Variants in PDILT observed in about 807,000 individuals in gnomAD.
PDILT encodes the protein protein disulfide-isomerase-like protein of the testis.
In PDILT, 43 loss-of-function variants were observed where a neutral mutation model predicts 53.7. That is an observed-to-expected ratio of 0.80 (90% CI 0.63 to 1.03). The LOEUF is 1.03. Ranked by LOEUF, PDILT falls within the 50% of genes least tolerant of loss-of-function variation. The pLI is 0.00. For missense variants in PDILT, 727 were observed against 712.3 expected (o/e 1.02, Z -0.24); for synonymous variants, 282 against 274.2 (o/e 1.03, Z -0.28).
chr16:20,360,441 C>A, intron 11 of PDILT, 127 bp downstream of exon 11: 1 of 875,002 alleles, frequency 1.1e-6, no homozygotes, highest in Non-Finnish European at 1.9e-6. Context: ...AACCTGGATG[C>A]TTCTCCATCC....
rs1308582046 is a variant in PDILT at position 20,369,568 on chromosome 16, T to G, written c.1040A>C (p.Tyr347Ser). ...GGTTATGTCATCTGAAGGCATTTTGTACCTGGCGTCAGAGCTCAAGTTTAG... is the reference window on the plus strand; with the variant it reads ...GGTTATGTCATCTGAAGGCATTTTGGACCTGGCGTCAGAGCTCAAGTTTAG... ...QILNLSSDARYKMPSDDITYE... is the reference protein window; with the variant it reads ...QILNLSSDARSKMPSDDITYE... Residue 347 changes from tyrosine to serine, a missense_variant, in exon 8 of 12, where the codon TAC becomes TCC. Tyr to Ser is a moderately radical substitution (Grantham distance 144). Coordinates refer to ENST00000302451, the MANE Select transcript of PDILT (RefSeq NM_174924.2). 1.2e-6 allele frequency: 2 copies of G among 1,614,244 alleles called. No homozygotes were observed. The highest frequency in any genetic ancestry group is 1.7e-6 in the Non-Finnish European group (2 of 1,180,042).
chr16:20,379,106 C>A (rs1596588445), intron 3 of PDILT, among the ~76,000 whole-genome samples: 1 of 152,100 alleles, frequency 6.6e-6, no homozygotes, highest in Non-Finnish European at 1.5e-5. Context: ...CTCGATCTCC[C>A]AGGCTCAAGC....
intron 3 of PDILT, among the ~76,000 whole-genome samples, chr16:20,382,963 G>A (rs1031980056): frequency 1.3e-5 from 2 of 152,140 alleles, no homozygotes; most frequent in African/African-American, 2.4e-5. Flanking sequence ...TCTTTGAGGC[G>A]AGGGCCTTGA....
At chr16:20,365,993 G>A (rs1006063150) in intron 8 of PDILT, among the ~76,000 whole-genome samples, 3 of 151,624 alleles carry the variant, frequency 2.0e-5, no homozygotes, top group Non-Finnish European at 2.9e-5. Flanking sequence ...AGGAGGCTGA[G>A]GCAAGAGAAT....
intron 7 of PDILT, 103 bp downstream of exon 7, chr16:20,372,699 C>A: frequency 1.5e-6 from 2 of 1,370,476 alleles, no homozygotes; most frequent in East Asian, 2.4e-5. Context: ...CCAATCTTTC[C>A]TGATTCAATT....
intron 2 of PDILT, among the ~76,000 whole-genome samples, chr16:20,387,650 T>C (rs1966557592): frequency 6.6e-6 from 1 of 152,036 alleles, no homozygotes; most frequent in Non-Finnish European, 1.5e-5. Flanking sequence ...TAGACGGATC[T>C]TGTTCTGTCA....
At chr16:20,365,349 C>T in intron 9 of PDILT, 71 bp downstream of exon 9, 1 of 1,566,574 alleles carries the variant, frequency 6.4e-7, no homozygotes, top group African/African-American at 1.4e-5. Flanking sequence ...CAGTGCCCAA[C>T]AATTCAGGAG....
chr16:20,367,072 TTTCTTTCTTTCTTTCTTTCTTTC>T (rs1966219782), intron 8 of PDILT, among the ~76,000 whole-genome samples: 1 of 134,288 alleles, frequency 7.4e-6, no homozygotes, highest in Non-Finnish European at 1.6e-5. Context: ...TCTTTCTTTC[TTTCTTTCTTTCTTTCTTTCTTTC>T]TTTCTTTCTT....
intron 1 of PDILT, among the ~76,000 whole-genome samples, chr16:20,403,363 C>T (rs1454322135): frequency 1.3e-5 from 2 of 152,158 alleles, no homozygotes; most frequent in African/African-American, 2.4e-5. Context: ...GATCTTGGCT[C>T]ACTGCAGCCT....
intron 2 of PDILT, among the ~76,000 whole-genome samples, chr16:20,388,323 T>C (rs1966566088): frequency 1.3e-5 from 2 of 152,176 alleles, no homozygotes; most frequent in Non-Finnish European, 1.5e-5. Flanking sequence ...CTGTGAGTTA[T>C]CTGTGATTAC....
intron 2 of PDILT, among the ~76,000 whole-genome samples, chr16:20,398,492 G>A (rs1808139457): frequency 2.0e-5 from 3 of 152,192 alleles, no homozygotes; most frequent in African/African-American, 7.2e-5. Context: ...TTAGCTGGGT[G>A]TGGTGGCGGG....
chr16:20,366,971 CCT>C (rs1966203731), intron 8 of PDILT, among the ~76,000 whole-genome samples: 1 of 47,574 alleles, frequency 2.1e-5, no homozygotes, highest in Non-Finnish European at 7.3e-5. Flanking sequence ...TTCCTTCCTT[CCT>C]TCCTTCCTTC....
At chr16:20,364,461 A>T (rs1475161004) in intron 9 of PDILT, among the ~76,000 whole-genome samples, 1 of 151,972 alleles carries the variant, frequency 6.6e-6, no homozygotes, top group Non-Finnish European at 1.5e-5. Flanking sequence ...AAGATCATTA[A>T]CCTCTCTGAG....
chr16:20,403,605 C>T (rs757189348), intron 1 of PDILT, among the ~76,000 whole-genome samples: 3 of 152,024 alleles, frequency 2.0e-5, no homozygotes, highest in Non-Finnish European at 2.9e-5. Flanking sequence ...TTCCTTTCGA[C>T]ACAGGAATTC....
In PDILT at chr16:20,372,762, C is replaced by G. The variant is rs1966324765; in HGVS notation, c.918+40G>C. Reference sequence around the variant, plus strand: ...TCAGGGTCTGCAGGTCTTGGATCCTCATCCAGGAGTCCCAGAGAGCAATGG... The same window carrying G: ...TCAGGGTCTGCAGGTCTTGGATCCTGATCCAGGAGTCCCAGAGAGCAATGG... On this transcript the variant is annotated intron_variant, in intron 7 of 11. Coordinates refer to ENST00000302451, the MANE Select transcript of PDILT (RefSeq NM_174924.2). The G allele has an allele frequency of 3.1e-6, 5 of 1,600,266 alleles. No homozygotes were observed. In the East Asian group the frequency reaches 1.1e-4, roughly 36 times the overall value.
intron 1 of PDILT, among the ~76,000 whole-genome samples, chr16:20,404,215 C>G (rs891696043): frequency 2.0e-5 from 3 of 152,180 alleles, no homozygotes; most frequent in Non-Finnish European, 2.9e-5. Flanking sequence ...TGGTTCATTT[C>G]AGTGGTTCTC....
chr16:20,391,495 G>T (rs1466547382), intron 2 of PDILT, among the ~76,000 whole-genome samples: 1 of 152,154 alleles, frequency 6.6e-6, no homozygotes, highest in African/African-American at 2.4e-5. Flanking sequence ...ACCCTAGACA[G>T]CTCCTAATCT....
In PDILT at chr16:20,359,253, C is replaced by A; in HGVS notation, c.*66G>T. ...CAATGATATATGCTTTTATTGGAAT[C>A]AATCCATTCAGAAAATGATGCCAGG... On this transcript the variant is annotated 3_prime_UTR_variant, in exon 12 of 12. Coordinates refer to ENST00000302451, the MANE Select transcript of PDILT (RefSeq NM_174924.2). 4.5e-6 allele frequency: 7 copies of A among 1,570,750 alleles called. No homozygotes were observed. The highest frequency in any genetic ancestry group is 1.2e-5 in the South Asian group (1 of 85,270).
intron 9 of PDILT, among the ~76,000 whole-genome samples, chr16:20,363,071 CAAAA>C (rs1187383410): frequency 2.1e-5 from 2 of 93,574 alleles, no homozygotes; most frequent in Admixed American, 2.8e-4. Context: ...GACTCCATCT[CAAAA>C]AAAAAAAAAA....
Sources: allele counts gnomAD v4.1 joint callset (sites outside exome capture counted in the v4.1 genomes callset), GRCh38; gene constraint gnomAD v4.1.1; transcripts MANE v1.5; gene names NCBI Gene and HGNC (gene_info 2026-07-23, HGNC 2026-07-21).